KALRN: variants seen among roughly 807,000 people sequenced by gnomAD.
KALRN encodes kalirin RhoGEF kinase, also known as kalirin.
In KALRN, 70 loss-of-function variants were observed where a neutral mutation model predicts 353.7. That is an observed-to-expected ratio of 0.20 (90% confidence interval 0.16 to 0.24). KALRN has a LOEUF of 0.24. Among genes scored for constraint, KALRN ranks in the 10% least tolerant of loss-of-function variants. The probability of loss-of-function intolerance (pLI) is 1.00; values close to 1 mark genes in which losing one functional copy is unlikely to be tolerated. For missense variants in KALRN, 2,791 were observed against 3,756.7 expected (o/e 0.74, Z 6.72); for synonymous variants, 1,391 against 1,434.8 (o/e 0.97, Z 0.69).
Position 124,369,470 on chromosome 3 carries a change from T to A in KALRN, c.1771-15375T>A, listed in dbSNP as rs1325135263. 2.6e-5 allele frequency among the ~76,000 whole-genome samples: 4 copies of A among 152,362 alleles called. No individual in the cohort carries two copies. In the South Asian group the frequency reaches 8.3e-4, roughly 32 times the overall value. ...TTTTTCTTTTAAATTTCTTATTTTT[T>A]AATCAACAGAAACATGTATGTATGT... On this transcript the variant is annotated intron_variant, in intron 10 of 59. Transcript: ENST00000682506.
In KALRN at chr3:124,152,281, G is replaced by A. The variant is rs1350050632; in HGVS notation, c.74-75709G>A. The A allele has an allele frequency of 3.2e-6, 4 of 1,260,278 alleles. No individual in the cohort carries two copies. In the African/African-American group the frequency reaches 4.4e-5, roughly 14 times the overall value. The allele number at this position is 1,260,278 out of a possible 1,614,324, so 78.1% of individuals were successfully genotyped here. ...ATTTGGGTACCCCTATGCAATATATGGTTCTACAGTCCTCAGCATATTAAT... is the reference window on the plus strand; with the variant it reads ...ATTTGGGTACCCCTATGCAATATATAGTTCTACAGTCCTCAGCATATTAAT... On this transcript the variant is annotated intron_variant, in intron 1 of 59. Transcript: ENST00000682506.
intron 33 of KALRN, among the ~76,000 whole-genome samples, chr3:124,556,990 A>G (rs2071345033): frequency 6.6e-6 from 1 of 152,250 alleles, no homozygotes; most frequent in African/African-American, 2.4e-5. Context: ...AGCTTTATAA[A>G]TAATCTAATG....
chr3:124,232,243 G>T (rs577514770), intron 2 of KALRN, among the ~76,000 whole-genome samples: 2 of 152,112 alleles, frequency 1.3e-5, no homozygotes, highest in Non-Finnish European at 2.9e-5. Context: ...CAGAGCTTTC[G>T]CTGTGCCCTA....
intron 1 of KALRN, among the ~76,000 whole-genome samples, chr3:124,159,574 C>CTTTTTTTTTTTTTTTTTTT (rs10576641): frequency 6.9e-6 from 1 of 144,038 alleles, no homozygotes. Flanking sequence ...ACCTGGCTGG[C>CTTTTTTTTTTTTTTTTTTT]TTTTTTTTTT....
At chr3:124,331,467 T>TA in intron 8 of KALRN, among the ~76,000 whole-genome samples, 1 of 152,162 alleles carries the variant, frequency 6.6e-6, no homozygotes, top group Admixed American at 6.5e-5. Flanking sequence ...AACAAAAATT[T>TA]AAAAAAATAA....
chr3:124,588,349 G>A (rs2075419115), intron 34 of KALRN, among the ~76,000 whole-genome samples: 1 of 152,178 alleles, frequency 6.6e-6, no homozygotes. Context: ...AAATTGCTAA[G>A]TTATGTATTG....
At chr3:124,153,283 A>C in intron 1 of KALRN, among the ~76,000 whole-genome samples, 1 of 95,004 alleles carries the variant, frequency 1.1e-5, no homozygotes, top group South Asian at 4.2e-4. Context: ...CCACCCCACA[A>C]CAGTCCCCAG....
chr3:124,175,108 A>ACAGCC (rs1174216691), intron 1 of KALRN, among the ~76,000 whole-genome samples: 2 of 152,248 alleles, frequency 1.3e-5, no homozygotes, highest in African/African-American at 4.8e-5. Context: ...GCTGGCAGGC[A>ACAGCC]CAGCCCAGCC....
At chr3:124,491,179 G>C in intron 30 of KALRN, 144 bp from the exon 31 acceptor site, 1 of 591,438 alleles carries the variant, frequency 1.7e-6, no homozygotes, top group Non-Finnish European at 2.9e-6. Context: ...TAGATGAACA[G>C]AATATCCAAT....
chr3:124,671,841 C>A lies in KALRN; in HGVS notation c.6885C>A (p.Ser2295=). 2 of 1,614,188 alleles carry A rather than the reference C, an allele frequency of 1.2e-6. No homozygotes were observed. Among genetic ancestry groups the A allele is most frequent in the Non-Finnish European group, 1.7e-6 (2 of 1,180,034 alleles). The change falls in exon 48 of 60, where the codon TCC becomes TCA. Residue 2295 remains serine, a synonymous_variant. Transcript: ENST00000682506. ...TGCCTCCCCTGAAGATATCTACCTC[C>A]AATGGCAGTCCAGGGTTTGAATACC... is the stretch of plus-strand genomic sequence containing the variant. ...PPLPPLKIST[S]NGSPGFEYHQ... is the part of the protein sequence containing the mutation.
intron 19 of KALRN, among the ~76,000 whole-genome samples, 175 bp downstream of exon 19, chr3:124,442,234 G>A (rs369676521): frequency 6.6e-6 from 1 of 152,106 alleles, no homozygotes; most frequent in African/African-American, 2.4e-5. Flanking sequence ...TTTTAAACAC[G>A]CATCAAGATC....
chr3:124,089,530 T>C (rs1468332127), intron 1 of KALRN, among the ~76,000 whole-genome samples: 2 of 151,938 alleles, frequency 1.3e-5, no homozygotes, highest in African/African-American at 4.8e-5. Context: ...GGAAATGAGA[T>C]GGAGGAACTG....
intron 57 of KALRN, among the ~76,000 whole-genome samples, chr3:124,707,439 T>C (rs1312528267): frequency 1.4e-5 from 2 of 146,070 alleles, no homozygotes; most frequent in Admixed American, 6.9e-5. Flanking sequence ...CCTTCCTTCC[T>C]TCCTTCCCTC....
At chr3:124,668,983 A>G (rs576975316) in intron 47 of KALRN, among the ~76,000 whole-genome samples, 2 of 152,392 alleles carry the variant, frequency 1.3e-5, no homozygotes, top group African/African-American at 4.8e-5. Context: ...AGTTGAAACA[A>G]GAAGTTATTG....
chr3:124,518,305 T>A (rs183149162), intron 33 of KALRN: 1 of 1,060,152 alleles, frequency 9.4e-7, no homozygotes, highest in South Asian at 1.3e-5. Context: ...GTTGCACTGA[T>A]GATTTAACTC....
chr3:124,050,197 T>C (rs1367625548), intron 1 of KALRN, among the ~76,000 whole-genome samples: 1 of 152,208 alleles, frequency 6.6e-6, no homozygotes, highest in Non-Finnish European at 1.5e-5. Context: ...AATATTGTGC[T>C]AATACCCAGG....
chr3:124,316,834 A>G (rs1046818902), intron 6 of KALRN, among the ~76,000 whole-genome samples: 7 of 152,380 alleles, frequency 4.6e-5, no homozygotes, highest in African/African-American at 1.7e-4. Flanking sequence ...AATGTCTTGT[A>G]TTGTTGAATT....
intron 1 of KALRN, among the ~76,000 whole-genome samples, chr3:124,123,199 C>CAGA (rs2064234787): frequency 7.0e-6 from 1 of 143,660 alleles, no homozygotes; most frequent in African/African-American, 2.6e-5. Context: ...GACTCCATCT[C>CAGA]AAAAAAAAAA....
At chr3:124,521,336 C>T (rs1260790197) in intron 33 of KALRN, among the ~76,000 whole-genome samples, 4 of 152,196 alleles carry the variant, frequency 2.6e-5, no homozygotes, top group African/African-American at 9.7e-5. Flanking sequence ...TCAAGTAACA[C>T]ATGAGTGGAT....
Sources: allele counts gnomAD v4.1 joint callset (sites outside exome capture counted in the v4.1 genomes callset), GRCh38; gene constraint gnomAD v4.1.1; transcripts MANE v1.5; gene names NCBI Gene and HGNC (gene_info 2026-07-23, HGNC 2026-07-21).